The following USP15 variants were observed in gnomAD, a reference collection of about 807,000 sequenced individuals.
USP15 encodes ubiquitin carboxyl-terminal hydrolase 15.
Under a neutral mutation model 127.1 loss-of-function variants are expected in USP15, and 18 were observed. The observed-to-expected ratio is 0.14, with a 90% CI of 0.10 to 0.21. USP15 has a LOEUF of 0.21. Among genes scored for constraint, USP15 ranks in the 10% least tolerant of loss-of-function variants. The probability of loss-of-function intolerance (pLI) is 1.00; values close to 1 mark genes in which losing one functional copy is unlikely to be tolerated. For synonymous variants in USP15, 364 were observed against 393.7 expected (o/e 0.92, Z 0.89); for missense variants, 805 against 1,159.9 (o/e 0.69, Z 4.44).
At chr12:62,378,346 A>G (rs981446797) in intron 8 of USP15, among the ~76,000 whole-genome samples, 2 of 152,242 alleles carry the variant, frequency 1.3e-5, no homozygotes, top group African/African-American at 4.8e-5. Flanking sequence ...TTAGTAGAAC[A>G]ATTATATTGA....
chr12:62,283,981 A>G (rs906855028), intron 1 of USP15, among the ~76,000 whole-genome samples: 3 of 152,182 alleles, frequency 2.0e-5, no homozygotes, highest in African/African-American at 7.2e-5. Context: ...TGCATCAACT[A>G]CAAGCAGTTA....
chr12:62,310,384 C>T (rs1336849104), intron 3 of USP15, among the ~76,000 whole-genome samples: 2 of 151,812 alleles, frequency 1.3e-5, no homozygotes, highest in Non-Finnish European at 2.9e-5. Context: ...TTCCCTGCTC[C>T]CTTCCTTATC....
chr12:62,261,113 C>T (rs964661202), intron 1 of USP15, among the ~76,000 whole-genome samples: 2 of 152,036 alleles, frequency 1.3e-5, no homozygotes, highest in African/African-American at 4.8e-5. Context: ...TATGAGAGAC[C>T]ACGTGGTCTT....
rs1375361468 is a variant in USP15 at position 62,280,485 on chromosome 12, G to C, written c.90-13694G>C. Among the ~76,000 whole-genome samples the C allele has an allele frequency of 2.0e-5, 3 of 152,142 alleles. No individual in the cohort carries two copies. In the South Asian group the frequency reaches 6.2e-4, roughly 32 times the overall value. The stretch of plus-strand genomic sequence containing the variant: ...GGTACTGGCAGGTTCTGTGTCTGGT[G>C]AGGAGGACACAGCATACTTTCTGGT... On this transcript the variant is annotated intron_variant, in intron 1 of 21. Coordinates refer to ENST00000280377, the MANE Select transcript of USP15 (RefSeq NM_001252078.2).
intron 1 of USP15, among the ~76,000 whole-genome samples, chr12:62,261,507 G>A (rs749108243): frequency 2.0e-4 from 30 of 152,132 alleles, no homozygotes; most frequent in Non-Finnish European, 4.1e-4. Context: ...ATGGCATAGT[G>A]AAAGGAACAG....
chr12:62,389,008 C>G (rs539010035), intron 11 of USP15, among the ~76,000 whole-genome samples: 5 of 152,280 alleles, frequency 3.3e-5, no homozygotes, highest in South Asian at 2.1e-4. Context: ...GCATGTAGTC[C>G]TAGCTACGCA....
intron 8 of USP15, among the ~76,000 whole-genome samples, chr12:62,367,378 C>T (rs2066513668): frequency 6.6e-6 from 1 of 152,058 alleles, no homozygotes; most frequent in African/African-American, 2.4e-5. Flanking sequence ...ACTCCAGGCG[C>T]CCGCCACCAC....
Position 62,384,065 on chromosome 12 carries a change from A to G in USP15, c.1249-13A>G, listed in dbSNP as rs1266741459. Reference sequence around the variant, plus strand: ...TGATACCTCTTTCTAATTTGTGTCTATTATCCTTGTAGGTGGTTGCCGAAG... The same window carrying G: ...TGATACCTCTTTCTAATTTGTGTCTGTTATCCTTGTAGGTGGTTGCCGAAG... On this transcript the variant is annotated splice_polypyrimidine_tract_variant and intron_variant, in intron 10 of 21. Transcript: ENST00000280377. 2.5e-6 allele frequency: 4 copies of G among 1,611,576 alleles called. No individual in the cohort carries two copies. Among genetic ancestry groups the G allele is most frequent in the African/African-American group, 2.7e-5 (2 of 74,784 alleles).
At chr12:62,306,769 A>G (rs565298554) in intron 3 of USP15, among the ~76,000 whole-genome samples, 31 of 152,282 alleles carry the variant, frequency 2.0e-4, no homozygotes, top group African/African-American at 6.5e-4. Flanking sequence ...TTTCTGAGCA[A>G]AGATAAAACT....
chr12:62,361,554 C>G (rs1238580323), intron 8 of USP15, among the ~76,000 whole-genome samples: 1 of 151,928 alleles, frequency 6.6e-6, no homozygotes, highest in African/African-American at 2.4e-5. Context: ...ATTGTAGTGA[C>G]TACATCTTAT....
chr12:62,263,274 CTGAT>C (rs1455801741), intron 1 of USP15, among the ~76,000 whole-genome samples: 1 of 152,086 alleles, frequency 6.6e-6, no homozygotes, highest in Non-Finnish European at 1.5e-5. Context: ...CTAGGAAAGA[CTGAT>C]TGGGCTGTTG....
At position 62,301,919 on chromosome 12, in the gene USP15, C is replaced by G. The variant is rs568854048; in HGVS notation, c.218-871C>G. On this transcript the variant is annotated intron_variant, in intron 2 of 21. Transcript: ENST00000280377. The stretch of plus-strand genomic sequence containing the variant: ...CAGTGAGATATTTCTGTTCCTCTTT[C>G]TGCATTTTAAAAATTCACATGGACA... 2.6e-5 allele frequency among the ~76,000 whole-genome samples: 4 copies of G among 152,306 alleles called. No individual in the cohort carries two copies. The South Asian group carries it at 8.3e-4, about 32-fold the overall frequency.
At chr12:62,307,884 T>A (rs2064532702) in intron 3 of USP15, among the ~76,000 whole-genome samples, 1 of 152,136 alleles carries the variant, frequency 6.6e-6, no homozygotes, top group South Asian at 2.1e-4. Flanking sequence ...TCATCTCATA[T>A]CATTACAAGA....
chr12:62,283,813 C>T (rs951571231), intron 1 of USP15, among the ~76,000 whole-genome samples: 2 of 151,354 alleles, frequency 1.3e-5, no homozygotes, highest in African/African-American at 2.4e-5. Context: ...CATGGTGGCA[C>T]AAGCCATAAT....
chr12:62,304,704 G>A (rs141359099), intron 3 of USP15: 2 of 453,908 alleles, frequency 4.4e-6, no homozygotes, highest in East Asian at 7.0e-5. Context: ...CGAAAAGAAA[G>A]CAAGGATATA....
chr12:62,283,955 A>G (rs2063724143), intron 1 of USP15, among the ~76,000 whole-genome samples: 1 of 152,142 alleles, frequency 6.6e-6, no homozygotes, highest in Non-Finnish European at 1.5e-5. Context: ...AAAACAAACA[A>G]CAAATATTAT....
intron 1 of USP15, among the ~76,000 whole-genome samples, chr12:62,273,170 A>C (rs1266985612): frequency 6.6e-6 from 1 of 151,140 alleles, no homozygotes; most frequent in Non-Finnish European, 1.5e-5. Flanking sequence ...ATCCTCATTC[A>C]GTTTAGATAC....
intron 1 of USP15, among the ~76,000 whole-genome samples, chr12:62,290,402 A>G (rs1191040056): frequency 1.3e-5 from 2 of 152,112 alleles, no homozygotes; most frequent in African/African-American, 2.4e-5. Context: ...ATTTAAAGTC[A>G]GCTTTATCTG....
At chr12:62,370,723 CT>C (rs2066636635) in intron 8 of USP15, among the ~76,000 whole-genome samples, 1 of 152,158 alleles carries the variant, frequency 6.6e-6, no homozygotes, top group Non-Finnish European at 1.5e-5. Flanking sequence ...TGACATCCAT[CT>C]ATATACTAAT....
Sources: gnomAD v4.1 joint callset for allele counts (sites outside exome capture counted in the v4.1 genomes callset) on GRCh38, gnomAD v4.1.1 for gene constraint, MANE v1.5 for transcripts, NCBI Gene and HGNC (gene_info 2026-07-23, HGNC 2026-07-21) for gene names.